DCLK1: variants seen among roughly 807,000 people sequenced by gnomAD.
DCLK1 encodes the protein doublecortin like kinase 1, also known as serine/threonine-protein kinase DCLK1.
Under a neutral mutation model 86.2 loss-of-function variants are expected in DCLK1, and 16 were observed. That is an observed-to-expected ratio of 0.19 (90% CI 0.13 to 0.28). The LOEUF (loss-of-function observed/expected upper bound fraction) is 0.28. Among genes scored for constraint, DCLK1 ranks in the 10% least tolerant of loss-of-function variants. The pLI is 1.00. For missense variants in DCLK1, 590 were observed against 940.2 expected (o/e 0.63, Z 4.87); for synonymous variants, 369 against 370.5 (o/e 1.00, Z 0.05).
At chr13:36,056,495 T>C (rs1472425250) in intron 3 of DCLK1, among the ~76,000 whole-genome samples, 1 of 124,634 alleles carries the variant, frequency 8.0e-6, no homozygotes, top group Non-Finnish European at 1.7e-5. Context: ...AGGGATAGCG[T>C]TGGGAGATAT....
chr13:35,884,000 C>T (rs1489704018), intron 4 of DCLK1, among the ~76,000 whole-genome samples: 2 of 152,146 alleles, frequency 1.3e-5, no homozygotes, highest in Non-Finnish European at 2.9e-5. Flanking sequence ...ATGCAGATTC[C>T]CTGCCCTTCC....
intron 3 of DCLK1, among the ~76,000 whole-genome samples, chr13:36,067,846 T>C (rs1593860918): frequency 6.6e-6 from 1 of 152,120 alleles, no homozygotes; most frequent in East Asian, 1.9e-4. Context: ...CCAAAATCAC[T>C]ATGCTAAATG....
intron 16 of DCLK1, among the ~76,000 whole-genome samples, chr13:35,789,617 A>C (rs1382571824): frequency 6.6e-6 from 1 of 152,214 alleles, no homozygotes; most frequent in Non-Finnish European, 1.5e-5. Context: ...AATTAGACTG[A>C]AACGCTCTAT....
intron 3 of DCLK1, among the ~76,000 whole-genome samples, chr13:36,097,401 T>C (rs1389788393): frequency 1.3e-5 from 2 of 152,232 alleles, no homozygotes; most frequent in Non-Finnish European, 2.9e-5. Context: ...GTAATCATTT[T>C]TTATTTTAAA....
intron 3 of DCLK1, among the ~76,000 whole-genome samples, chr13:36,110,441 G>A (rs1885571279): frequency 6.6e-6 from 1 of 152,102 alleles, no homozygotes; most frequent in South Asian, 2.1e-4. Context: ...AAATACAAAT[G>A]AACAACTGGC....
rs112005848 is a variant in DCLK1, at chr13:35,797,180, T to G, written c.1945-3701A>C. The stretch of plus-strand genomic sequence containing the variant: ...TCGGCACAGGCTGTGTTTACCAGCC[T>G]AGGTGTAAATATGGGGAAAGATAGC... On this transcript the variant is annotated intron_variant, in intron 15 of 16. Coordinates refer to ENST00000360631, the MANE Select transcript of DCLK1 (RefSeq NM_001330071.2). Among the ~76,000 whole-genome samples, 675 of 152,312 alleles carry G rather than the reference T, an allele frequency of 4.4e-3. 6 individuals are homozygous for G. The highest frequency in any genetic ancestry group is 0.015 in the African/African-American group (644 of 41,572).
intron 6 of DCLK1, among the ~76,000 whole-genome samples, chr13:35,851,398 G>C (rs983976026): frequency 3.3e-5 from 5 of 151,624 alleles, no homozygotes; most frequent in Admixed American, 3.3e-4. Flanking sequence ...TCCCCTTCCT[G>C]CTACTAGATC....
At chr13:35,974,262 C>T (rs922049076) in intron 3 of DCLK1, among the ~76,000 whole-genome samples, 1 of 152,102 alleles carries the variant, frequency 6.6e-6, no homozygotes, top group African/African-American at 2.4e-5. Flanking sequence ...AAGAGAGGAC[C>T]TTGACACAGA....
At chr13:35,805,657 G>T in intron 15 of DCLK1, 42 bp downstream of exon 15, 1 of 1,562,634 alleles carries the variant, frequency 6.4e-7, no homozygotes, top group Non-Finnish European at 8.7e-7. Context: ...TTTTTAAAAG[G>T]AATGTTAGGA....
intron 3 of DCLK1, among the ~76,000 whole-genome samples, chr13:35,963,596 G>A (rs545951602): frequency 6.6e-5 from 10 of 152,198 alleles, no homozygotes; most frequent in African/African-American, 2.2e-4. Flanking sequence ...TTATTATCAC[G>A]GATAACATGG....
At chr13:36,024,553 C>T (rs1160314449) in intron 3 of DCLK1, among the ~76,000 whole-genome samples, 2 of 152,012 alleles carry the variant, frequency 1.3e-5, no homozygotes, top group Non-Finnish European at 2.9e-5. Flanking sequence ...ACAATGAAAA[C>T]TATAAAACAT....
At chr13:35,821,132 T>C (rs534761555) in intron 11 of DCLK1, among the ~76,000 whole-genome samples, 133 of 152,304 alleles carry the variant, frequency 8.7e-4, no homozygotes, top group African/African-American at 3.1e-3. Context: ...GTGACAACCG[T>C]GGGCAGGTCA....
At chr13:35,801,722 G>A (rs1468414942) in intron 15 of DCLK1, among the ~76,000 whole-genome samples, 2 of 152,128 alleles carry the variant, frequency 1.3e-5, no homozygotes, top group African/African-American at 2.4e-5. Context: ...GCTGAGACAC[G>A]TATATATTGC....
At chr13:35,783,469 A>G (rs777031969) in intron 16 of DCLK1, among the ~76,000 whole-genome samples, 1 of 152,154 alleles carries the variant, frequency 6.6e-6, no homozygotes, top group African/African-American at 2.4e-5. Context: ...AACTCGCCCA[A>G]GGTTACTGCA....
At chr13:35,826,059 T>A (rs79854119) in intron 10 of DCLK1, among the ~76,000 whole-genome samples, 98,814 of 151,028 alleles carry the variant, frequency 0.65, 33,910 homozygotes, top group Non-Finnish European at 0.75. Context: ...TGATCTGCTT[T>A]CCTCGGCCTC....
At chr13:36,092,766 G>A (rs1444593822) in intron 3 of DCLK1, among the ~76,000 whole-genome samples, 5 of 152,096 alleles carry the variant, frequency 3.3e-5, no homozygotes, top group Admixed American at 6.5e-5. Context: ...GATTACAGGC[G>A]TGAGCCACCG....
intron 7 of DCLK1, among the ~76,000 whole-genome samples, chr13:35,838,211 C>G (rs576662214): frequency 3.3e-5 from 5 of 152,068 alleles, no homozygotes; most frequent in African/African-American, 1.2e-4. Context: ...TCTGGAAATA[C>G]AAAAAATTCT....
In DCLK1 at chr13:35,770,092, T is replaced by C. The variant is rs138214408; in HGVS notation, c.*4443A>G. 63 of 152,328 alleles carry C rather than the reference T, an allele frequency of 4.1e-4. No individual in the cohort carries two copies. Among genetic ancestry groups the C allele is most frequent in the African/African-American group, 1.4e-3 (60 of 41,590 alleles). The allele number at this position is 152,328 out of a possible 1,614,324, so 9.4% of individuals were successfully genotyped here. On this transcript the variant is annotated 3_prime_UTR_variant, in exon 17 of 17. Coordinates refer to ENST00000360631, the MANE Select transcript of DCLK1 (RefSeq NM_001330071.2). ...ACCCTTAATGTTACTGCATGTATGG[T>C]TGCATATTTGAGATGATTAAAAATA...
intron 4 of DCLK1, among the ~76,000 whole-genome samples, chr13:35,900,503 A>C (rs1356030574): frequency 6.6e-6 from 1 of 152,082 alleles, no homozygotes; most frequent in Non-Finnish European, 1.5e-5. Flanking sequence ...CAGCCTCCAA[A>C]AGTGTTGGGA....
Sources: gnomAD v4.1 joint callset for allele counts (sites outside exome capture counted in the v4.1 genomes callset) on GRCh38, gnomAD v4.1.1 for gene constraint, MANE v1.5 for transcripts, NCBI Gene and HGNC (gene_info 2026-07-23, HGNC 2026-07-21) for gene names.